Variants in OSTM1 observed in about 807,000 individuals in gnomAD.
The protein encoded by OSTM1 is osteoclastogenesis associated transmembrane protein 1.
OSTM1 carries 26 observed loss-of-function variants against 35.4 expected under a neutral mutation model. That is an observed-to-expected ratio of 0.73 (90% confidence interval 0.54 to 1.02). The LOEUF is 1.02. OSTM1 is among the 50% of genes least tolerant of loss of function. The pLI, the probability that OSTM1 is intolerant of heterozygous loss-of-function variation, is 0.00. For missense variants in OSTM1, 366 were observed against 409.6 expected, an observed-to-expected ratio of 0.89 and a Z score of 0.92; for synonymous variants, 181 against 165.0, an observed-to-expected ratio of 1.10 and a Z score of -0.75.
Position 108,044,801 on chromosome 6 carries a change from T to C in OSTM1, c.989A>G (p.Gln330Arg). Residue 330 changes from glutamine (Q) to arginine (R), a missense_variant, in exon 6 of 6, where the codon CAG becomes CGG. This residue lies in a region of OSTM1 where 125 missense variants were observed against 151.7 expected (regional missense o/e 0.82). Coordinates refer to ENST00000193322, the MANE Select transcript of OSTM1 (RefSeq NM_014028.4). Reference protein sequence around the residue: ...LKSSTSFANIQENSN With the variant: ...LKSSTSFANIRENSN ...TTGTAGGTCTCAGTTTGAATTTTCCTGAATATTTGCAAAACTGGTACTGGA... is the reference window on the plus strand; with the variant it reads ...TTGTAGGTCTCAGTTTGAATTTTCCCGAATATTTGCAAAACTGGTACTGGA... The C allele has an allele frequency of 6.3e-7, 1 of 1,580,034 alleles. No individual in the cohort carries two copies. The highest frequency in any genetic ancestry group is 1.1e-5 in the South Asian group (1 of 87,800).
chr6:108,042,114 C>G lies in OSTM1; in HGVS notation c.*2671G>C, dbSNP rs1771876949. The stretch of plus-strand genomic sequence containing the variant: ...TCCCAATATAAGTAACATTTACCAA[C>G]TAGACTCTGGGCTACACTTTAAAAT... On this transcript the variant is annotated 3_prime_UTR_variant, in exon 6 of 6. Coordinates refer to ENST00000193322, the MANE Select transcript of OSTM1 (RefSeq NM_014028.4). The G allele has an allele frequency of 6.6e-6, 1 of 151,530 alleles. No homozygotes were observed. Among genetic ancestry groups the G allele is most frequent in the South Asian group, 2.1e-4 (1 of 4,798 alleles). 9.4% of individuals were successfully genotyped at this position (151,530 alleles called of 1,614,324 possible). A position where few individuals can be genotyped will look rare whatever the true frequency, so the allele number is the denominator to read the frequency against.
intron 5 of OSTM1, 79 bp downstream of exon 5, chr6:108,049,174 A>C: frequency 2.3e-6 from 2 of 880,494 alleles, no homozygotes; most frequent in Non-Finnish European, 3.7e-6. Flanking sequence ...TTCTCAGAGT[A>C]GCTATCATTT....
intron 3 of OSTM1, among the ~76,000 whole-genome samples, chr6:108,052,209 C>T (rs183573027): frequency 2.6e-4 from 39 of 152,124 alleles, no homozygotes; most frequent in Admixed American, 5.9e-4. Context: ...CCGAGGTGGG[C>T]GGATCACAAG....
At chr6:108,073,374 T>G (rs1772520332) in intron 1 of OSTM1, among the ~76,000 whole-genome samples, 1 of 152,186 alleles carries the variant, frequency 6.6e-6, no homozygotes, top group South Asian at 2.1e-4. Flanking sequence ...GACACTCTAA[T>G]CTTTTCCTAG....
At chr6:108,068,963 C>T (rs1772431189) in intron 1 of OSTM1, among the ~76,000 whole-genome samples, 1 of 152,162 alleles carries the variant, frequency 6.6e-6, no homozygotes, top group Non-Finnish European at 1.5e-5. Context: ...ACACCACAAA[C>T]TCCTTCCCAT....
intron 4 of OSTM1, 75 bp downstream of exon 4, chr6:108,050,955 CA>C: frequency 2.4e-6 from 3 of 1,256,766 alleles, no homozygotes; most frequent in African/African-American, 1.5e-5. Context: ...ACCCTATCAC[CA>C]AAAATAATAA....
intron 3 of OSTM1, among the ~76,000 whole-genome samples, chr6:108,051,865 C>G (rs77961585): frequency 0.018 from 2,801 of 152,328 alleles, 27 homozygotes; most frequent in East Asian, 0.049. Flanking sequence ...TACTTCTAGA[C>G]TGACACTTGT....
Position 108,044,764 on chromosome 6 carries a change from C to T in OSTM1, c.*21G>A. The T allele has an allele frequency of 7.7e-6, 11 of 1,435,808 alleles. No homozygotes were observed. Among genetic ancestry groups the T allele is most frequent in the South Asian group, 3.6e-5 (3 of 83,464 alleles). 88.9% of individuals were successfully genotyped at this position (1,435,808 alleles called of 1,614,324 possible). On this transcript the variant is annotated 3_prime_UTR_variant, in exon 6 of 6. Coordinates refer to ENST00000193322, the MANE Select transcript of OSTM1 (RefSeq NM_014028.4). ...TCCACCATTCATTCACGTGATATGT[C>T]AATTCTCCATTTTGTAGGTCTCAGT...
intron 2 of OSTM1, among the ~76,000 whole-genome samples, chr6:108,063,019 T>C (rs1163797204): frequency 4.6e-5 from 7 of 150,994 alleles, no homozygotes; most frequent in Non-Finnish European, 1.0e-4. Flanking sequence ...ATTTCTACTT[T>C]TTTTTTTTTT....
intron 2 of OSTM1, among the ~76,000 whole-genome samples, chr6:108,062,535 C>CTTTTT (rs780041339): frequency 8.6e-4 from 113 of 130,954 alleles, no homozygotes; most frequent in African/African-American, 1.2e-3. Context: ...CTTTTCTTTT[C>CTTTTT]TTTTTTTTTT....
At chr6:108,046,998 T>C (rs537863576) in intron 5 of OSTM1, among the ~76,000 whole-genome samples, 3 of 152,314 alleles carry the variant, frequency 2.0e-5, no homozygotes, top group Admixed American at 6.5e-5. Context: ...CCAGGGATCA[T>C]CTAACGGTGA....
At chr6:108,065,349 C>T (rs970352204) in intron 1 of OSTM1, among the ~76,000 whole-genome samples, 6 of 151,452 alleles carry the variant, frequency 4.0e-5, no homozygotes, top group African/African-American at 7.3e-5. Context: ...AAGCGATCCT[C>T]CTGCCTTAGC....
At chr6:108,070,596 T>C (rs572196955) in intron 1 of OSTM1, among the ~76,000 whole-genome samples, 1 of 152,090 alleles carries the variant, frequency 6.6e-6, no homozygotes, top group Non-Finnish European at 1.5e-5. Context: ...ACAAAATACA[T>C]TACACTGGAT....
At chr6:108,063,859 A>G (rs1159081950) in intron 2 of OSTM1, among the ~76,000 whole-genome samples, 1 of 152,196 alleles carries the variant, frequency 6.6e-6, no homozygotes, top group Non-Finnish European at 1.5e-5. Flanking sequence ...CATTACCACC[A>G]ATTTACAGAT....
chr6:108,057,879 T>C (rs1468571342), intron 2 of OSTM1, among the ~76,000 whole-genome samples: 1 of 151,978 alleles, frequency 6.6e-6, no homozygotes, highest in Non-Finnish European at 1.5e-5. Flanking sequence ...GTTTTAGAAA[T>C]TGGTGAGTTA....
At chr6:108,052,209 C>A (rs183573027) in intron 3 of OSTM1, among the ~76,000 whole-genome samples, 3 of 152,126 alleles carry the variant, frequency 2.0e-5, no homozygotes, top group African/African-American at 7.2e-5. Context: ...CCGAGGTGGG[C>A]GGATCACAAG....
chr6:108,068,227 A>T (rs771697489), intron 1 of OSTM1, among the ~76,000 whole-genome samples: 1 of 151,666 alleles, frequency 6.6e-6, no homozygotes, highest in South Asian at 2.1e-4. Flanking sequence ...CCTCTATTTA[A>T]TCTTAAACTC....
chr6:108,064,534 T>C (rs1359897683), intron 1 of OSTM1, among the ~76,000 whole-genome samples: 2 of 152,234 alleles, frequency 1.3e-5, no homozygotes, highest in Non-Finnish European at 2.9e-5. Flanking sequence ...AAATAGTTTG[T>C]ACCCAGATGG....
At chr6:108,054,612 A>G in intron 2 of OSTM1, 25 bp from the exon 3 acceptor site, 1 of 1,090,954 alleles carries the variant, frequency 9.2e-7, no homozygotes, top group Non-Finnish European at 1.4e-6. Flanking sequence ...CAAAAAGTAT[A>G]TTAATATAAC....
Sources: gnomAD v4.1 joint callset for allele counts (sites outside exome capture counted in the v4.1 genomes callset) on GRCh38, gnomAD v4.1.1 for gene constraint, gnomAD v4.1.1 regional missense constraint, MANE v1.5 for transcripts, NCBI Gene and HGNC (gene_info 2026-07-23, HGNC 2026-07-21) for gene names.